Variants in NEK11 observed in about 807,000 individuals in gnomAD.
NEK11 encodes the protein NIMA related kinase 11.
Under a neutral mutation model 80.7 loss-of-function variants are expected in NEK11, and 72 were observed. The observed-to-expected ratio is 0.89, with a 90% CI of 0.74 to 1.08. The LOEUF is 1.08. Among genes scored for constraint, NEK11 ranks in the 50% least tolerant of loss-of-function variants. NEK11 has a pLI of 0.00. For missense variants in NEK11, 764 were observed against 763.6 expected (o/e 1.00, Z -0.01); for synonymous variants, 251 against 260.7 (o/e 0.96, Z 0.36).
intron 14 of NEK11, among the ~76,000 whole-genome samples, chr3:131,218,026 C>T (rs1216447900): frequency 2.0e-5 from 3 of 152,074 alleles, no homozygotes; most frequent in African/African-American, 4.8e-5. Context: ...GATGTGGGCT[C>T]TATTATTTTC....
intron 16 of NEK11, among the ~76,000 whole-genome samples, chr3:131,267,745 G>A (rs552967118): frequency 2.6e-5 from 4 of 152,186 alleles, no homozygotes; most frequent in South Asian, 2.1e-4. Flanking sequence ...TGACGATTGC[G>A]TGTCTCGGGG....
chr3:131,192,816 A>G (rs2093851576), intron 14 of NEK11, among the ~76,000 whole-genome samples: 1 of 152,160 alleles, frequency 6.6e-6, no homozygotes, highest in African/African-American at 2.4e-5. Flanking sequence ...GTTTCATGGT[A>G]CAGAGTTTCC....
chr3:131,277,183 G>A (rs1301038010), intron 17 of NEK11, among the ~76,000 whole-genome samples: 1 of 152,164 alleles, frequency 6.6e-6, no homozygotes, highest in African/African-American at 2.4e-5. Flanking sequence ...TTTTTCTGTA[G>A]ACTAATCAAC....
intron 3 of NEK11, among the ~76,000 whole-genome samples, chr3:131,069,540 C>T (rs1052970931): frequency 2.6e-5 from 4 of 151,860 alleles, no homozygotes; most frequent in East Asian, 1.9e-4. Flanking sequence ...ATGTTTATTG[C>T]GGCATTATTC....
intron 15 of NEK11, among the ~76,000 whole-genome samples, chr3:131,237,946 C>G (rs568706508): frequency 6.6e-6 from 1 of 152,102 alleles, no homozygotes; most frequent in Non-Finnish European, 1.5e-5. Flanking sequence ...CTAACCCTCC[C>G]GTCTCATTCA....
intron 5 of NEK11, among the ~76,000 whole-genome samples, chr3:131,120,710 C>T (rs147072048): frequency 0.014 from 2,150 of 152,224 alleles, 48 homozygotes; most frequent in African/African-American, 0.049. Context: ...CTTCTCTTCT[C>T]GCTTCATTTC....
At chr3:131,265,501 A>C (rs1039360632) in intron 16 of NEK11, among the ~76,000 whole-genome samples, 73 of 152,162 alleles carry the variant, frequency 4.8e-4, no homozygotes, top group African/African-American at 1.8e-3. Flanking sequence ...TGTTCTGTTT[A>C]AGTAATGGAT....
At chr3:131,197,310 T>C (rs2150343033) in intron 14 of NEK11, among the ~76,000 whole-genome samples, 1 of 152,238 alleles carries the variant, frequency 6.6e-6, no homozygotes. Flanking sequence ...TGAGATTTCC[T>C]CTGGAGGGGT....
chr3:131,270,512 A>G (rs756209646), intron 16 of NEK11, among the ~76,000 whole-genome samples: 2 of 152,240 alleles, frequency 1.3e-5, no homozygotes, highest in African/African-American at 2.4e-5. Flanking sequence ...GATGACATCT[A>G]TGTTCTTGCC....
intron 16 of NEK11, among the ~76,000 whole-genome samples, chr3:131,260,978 C>G (rs1194154005): frequency 6.6e-6 from 1 of 152,098 alleles, no homozygotes; most frequent in African/African-American, 2.4e-5. Flanking sequence ...ACCCACATGG[C>G]AGGGTGTTTA....
intron 17 of NEK11, among the ~76,000 whole-genome samples, chr3:131,320,532 A>G (rs2096886782): frequency 6.6e-6 from 1 of 152,106 alleles, no homozygotes; most frequent in South Asian, 2.1e-4. Context: ...AGAGAGAGAG[A>G]GAGAGAGAAG....
At position 131,062,390 on chromosome 3, in the gene NEK11, C is replaced by T. The variant is rs571499224; in HGVS notation, c.171-18033C>T. ...CAGACTTTCTCTCCTCTGCTGCCCT[C>T]TCATTACTGTAGCCTGACTTTTTAA... is the stretch of plus-strand genomic sequence containing the variant. On this transcript the variant is annotated intron_variant, in intron 3 of 17. Coordinates refer to ENST00000383366, the MANE Select transcript of NEK11 (RefSeq NM_024800.5). Among the ~76,000 whole-genome samples, 8 of 152,332 alleles carry T rather than the reference C, an allele frequency of 5.3e-5. No homozygotes were observed. In the South Asian group the frequency reaches 8.3e-4, roughly 16 times the overall value.
chr3:131,249,378 G>C (rs1561194697), intron 16 of NEK11, among the ~76,000 whole-genome samples: 1 of 152,072 alleles, frequency 6.6e-6, no homozygotes, highest in Non-Finnish European at 1.5e-5. Flanking sequence ...CATGGTATAG[G>C]TGAAGATTAA....
intron 17 of NEK11, among the ~76,000 whole-genome samples, chr3:131,336,662 A>G (rs902573668): frequency 6.6e-6 from 1 of 152,240 alleles, no homozygotes; most frequent in African/African-American, 2.4e-5. Context: ...AAAAGAAACT[A>G]CTATCAGAGT....
chr3:131,181,766 A>AAAG (rs572008326), intron 14 of NEK11, among the ~76,000 whole-genome samples: 21 of 150,388 alleles, frequency 1.4e-4, no homozygotes, highest in Non-Finnish European at 2.8e-4. Context: ...AAAAAAAAAA[A>AAAG]GAAAAGATAA....
intron 16 of NEK11, among the ~76,000 whole-genome samples, chr3:131,271,904 A>G (rs1032433569): frequency 6.6e-6 from 1 of 152,038 alleles, no homozygotes; most frequent in Admixed American, 6.6e-5. Flanking sequence ...CAGCCTGACC[A>G]ACAGGAGACC....
chr3:131,332,477 C>A (rs1390119987), intron 17 of NEK11, among the ~76,000 whole-genome samples: 1 of 152,132 alleles, frequency 6.6e-6, no homozygotes. Flanking sequence ...ACATCACCAT[C>A]ATCAAAGACC....
intron 14 of NEK11, among the ~76,000 whole-genome samples, chr3:131,207,502 G>A (rs2094477973): frequency 6.6e-6 from 1 of 152,124 alleles, no homozygotes; most frequent in Non-Finnish European, 1.5e-5. Flanking sequence ...AGAATGGCAT[G>A]AACCCAGGAG....
At chr3:131,268,787 T>C (rs2096116827) in intron 16 of NEK11, among the ~76,000 whole-genome samples, 1 of 152,198 alleles carries the variant, frequency 6.6e-6, no homozygotes, top group Non-Finnish European at 1.5e-5. Flanking sequence ...TTAGCAGAGC[T>C]CGAACACTGT....
Sources: gnomAD v4.1 joint callset for allele counts (sites outside exome capture counted in the v4.1 genomes callset) on GRCh38, gnomAD v4.1.1 for gene constraint, MANE v1.5 for transcripts, NCBI Gene and HGNC (gene_info 2026-07-23, HGNC 2026-07-21) for gene names.